Variants in CACNB2 observed in about 807,000 individuals in gnomAD.
CACNB2 encodes voltage-dependent L-type calcium channel subunit beta-2.
A neutral mutation model predicts 73.3 loss-of-function variants in CACNB2; 42 were observed. The ratio of observed to expected loss-of-function variants is 0.57; its 90% CI spans 0.45 to 0.74. The LOEUF is 0.74. CACNB2 is among the 30% of genes least tolerant of loss of function. The probability of loss-of-function intolerance (pLI) is 0.00; values close to 1 mark genes in which losing one functional copy is unlikely to be tolerated. For synonymous variants in CACNB2, 348 were observed against 310.3 expected, an observed-to-expected ratio of 1.12 and a Z score of -1.28; for missense variants, 940 against 853.0, an observed-to-expected ratio of 1.10 and a Z score of -1.27.
intron 11 of CACNB2, among the ~76,000 whole-genome samples, chr10:18,534,977 A>ACAAT (rs1312174904): frequency 2.6e-5 from 4 of 152,262 alleles, no homozygotes; most frequent in Admixed American, 6.5e-5. Flanking sequence ...CTTTCAGACA[A>ACAAT]CAATCAGAAT....
chr10:18,414,251 C>G (rs1229152529), intron 3 of CACNB2, among the ~76,000 whole-genome samples: 2 of 151,990 alleles, frequency 1.3e-5, no homozygotes, highest in Non-Finnish European at 2.9e-5. Flanking sequence ...CACATGGGTG[C>G]AGATCTCTGC....
chr10:18,501,005 A>T, intron 5 of CACNB2, 57 bp downstream of exon 5: 1 of 1,494,424 alleles, frequency 6.7e-7, no homozygotes, highest in Non-Finnish European at 9.3e-7. Context: ...CTATCTGTGT[A>T]CTGTTGTCTG....
At chr10:18,301,642 CTCT>C (rs1441389142) in intron 2 of CACNB2, among the ~76,000 whole-genome samples, 1 of 124,792 alleles carries the variant, frequency 8.0e-6, no homozygotes, top group South Asian at 2.8e-4. Context: ...AAGCCTTTCT[CTCT>C]TTTTTTTTTT....
intron 2 of CACNB2, among the ~76,000 whole-genome samples, chr10:18,285,545 A>G (rs1309291593): frequency 6.6e-6 from 1 of 152,182 alleles, no homozygotes; most frequent in Non-Finnish European, 1.5e-5. Context: ...CAGCTATCTG[A>G]CTGTTACCAT....
chr10:18,253,198 T>C (rs1401523601), intron 2 of CACNB2, among the ~76,000 whole-genome samples: 1 of 152,078 alleles, frequency 6.6e-6, no homozygotes, highest in Non-Finnish European at 1.5e-5. Flanking sequence ...TTAGCAGGAG[T>C]CAGTGAAACT....
chr10:18,366,186 C>G (rs2042338267), intron 2 of CACNB2, among the ~76,000 whole-genome samples: 1 of 152,206 alleles, frequency 6.6e-6, no homozygotes, highest in Non-Finnish European at 1.5e-5. Flanking sequence ...GAAATTCTCG[C>G]TGAGGGCGGT....
At chr10:18,414,757 A>C (rs938011449) in intron 3 of CACNB2, among the ~76,000 whole-genome samples, 1 of 147,464 alleles carries the variant, frequency 6.8e-6, no homozygotes, top group African/African-American at 2.5e-5. Flanking sequence ...GGATTATTAT[A>C]AATTGCAGTT....
chr10:18,314,622 A>G (rs2040087876), intron 2 of CACNB2, among the ~76,000 whole-genome samples: 1 of 152,208 alleles, frequency 6.6e-6, no homozygotes, highest in South Asian at 2.1e-4. Flanking sequence ...TAAAACAGCT[A>G]AATCAGTCTA....
chr10:18,178,424 A>G (rs1032062101), intron 2 of CACNB2, among the ~76,000 whole-genome samples: 3 of 152,362 alleles, frequency 2.0e-5, no homozygotes, highest in Admixed American at 1.3e-4. Context: ...CATGTATATC[A>G]TAATTTAAAT....
At chr10:18,248,017 T>C (rs538853067) in intron 2 of CACNB2, among the ~76,000 whole-genome samples, 2 of 152,334 alleles carry the variant, frequency 1.3e-5, no homozygotes, top group South Asian at 2.1e-4. Context: ...AATCATGACC[T>C]AATCACCTCC....
At chr10:18,197,660 G>A (rs559775229) in intron 2 of CACNB2, among the ~76,000 whole-genome samples, 10 of 152,230 alleles carry the variant, frequency 6.6e-5, no homozygotes, top group African/African-American at 1.7e-4. Flanking sequence ...GCCACATGCC[G>A]GTTCCTGAAC....
chr10:18,187,564 A>C (rs978978406), intron 2 of CACNB2, among the ~76,000 whole-genome samples: 1 of 152,234 alleles, frequency 6.6e-6, no homozygotes, highest in Non-Finnish European at 1.5e-5. Flanking sequence ...AAGTCAAAAC[A>C]TAGAGGGTTC....
intron 3 of CACNB2, among the ~76,000 whole-genome samples, chr10:18,450,272 C>A (rs1282241533): frequency 6.6e-6 from 1 of 152,072 alleles, no homozygotes; most frequent in Non-Finnish European, 1.5e-5. Flanking sequence ...GAAAACACTA[C>A]CGTTGTATGC....
intron 3 of CACNB2, among the ~76,000 whole-genome samples, chr10:18,410,830 A>C (rs2044581602): frequency 6.6e-6 from 1 of 152,110 alleles, no homozygotes; most frequent in Non-Finnish European, 1.5e-5. Flanking sequence ...AAATACAAAA[A>C]TTAGCTAGGC....
Position 18,339,731 on chromosome 10 carries a change from T to A in CACNB2, c.214-62193T>A, listed in dbSNP as rs1310191589. Among the ~76,000 whole-genome samples the A allele has an allele frequency of 2.6e-5, 4 of 152,234 alleles. No individual in the cohort carries two copies. In the East Asian group the frequency reaches 7.7e-4, roughly 29 times the overall value. The stretch of plus-strand genomic sequence containing the variant: ...AAATGAACAAGCCCGTATGTTCCAA[T>A]AAACATTTATTTAAGAACATTGATT... On this transcript the variant is annotated intron_variant, in intron 2 of 13. Transcript: ENST00000324631.
At chr10:18,225,236 C>T (rs1432155739) in intron 2 of CACNB2, among the ~76,000 whole-genome samples, 1 of 151,862 alleles carries the variant, frequency 6.6e-6, no homozygotes, top group African/African-American at 2.4e-5. Flanking sequence ...AAATCCCTGG[C>T]AGAGGATGGG....
rs189738071 is a variant in CACNB2 at position 18,296,855 on chromosome 10, G to C, written c.214-105069G>C. 1.9e-3 allele frequency among the ~76,000 whole-genome samples: 288 copies of C among 152,282 alleles called. 1 individual carries two copies. Among genetic ancestry groups the C allele is most frequent in the African/African-American group, 6.7e-3 (277 of 41,556 alleles). ...TAGTGAGAAAGTATGTGCGGTAGAG[G>C]CAGATTCTGAGTTTAAATCCTGATT... On this transcript the variant is annotated intron_variant, in intron 2 of 13. Transcript: ENST00000324631.
At chr10:18,498,292 G>T (rs569639143) in intron 3 of CACNB2, 63 bp from the exon 4 acceptor site, 2 of 1,597,500 alleles carry the variant, frequency 1.3e-6, no homozygotes, top group East Asian at 2.2e-5. Flanking sequence ...TGTGTTTGAG[G>T]GAAAAAGGAG....
Position 18,538,119 on chromosome 10 carries a change from G to A in CACNB2, c.1303-61G>A, listed in dbSNP as rs543808515. The A allele has an allele frequency of 2.0e-6, 3 of 1,513,342 alleles. No homozygotes were observed. The East Asian group carries it at 6.8e-5, about 34-fold the overall frequency. 93.7% of individuals were successfully genotyped at this position (1,513,342 alleles called of 1,614,324 possible). A position where few individuals can be genotyped will look rare whatever the true frequency, so the allele number is the denominator to read the frequency against. On this transcript the variant is annotated intron_variant, in intron 12 of 13. Coordinates refer to ENST00000324631, the MANE Select transcript of CACNB2 (RefSeq NM_201596.3). ...ATGAGCCCCTTCCTCCTCTTATGGA[G>A]GTGGGAAGGGGGTGAAAACTGGGCT...
Sources: allele counts gnomAD v4.1 joint callset (sites outside exome capture counted in the v4.1 genomes callset), GRCh38; gene constraint gnomAD v4.1.1; transcripts MANE v1.5; gene names NCBI Gene and HGNC (gene_info 2026-07-23, HGNC 2026-07-21).